Variants in FBXL7 observed in about 807,000 individuals in gnomAD.
FBXL7 encodes the protein F-box/LRR-repeat protein 7.
Under a neutral mutation model 38.3 loss-of-function variants are expected in FBXL7, and 12 were observed. The ratio of observed to expected loss-of-function variants is 0.31; its 90% CI spans 0.20 to 0.51. The LOEUF (loss-of-function observed/expected upper bound fraction) is 0.51. Ranked by LOEUF, FBXL7 falls within the 20% of genes least tolerant of loss-of-function variation. The pLI is 0.98. For synonymous variants in FBXL7, 297 were observed against 300.9 expected (o/e 0.99, Z 0.13); for missense variants, 567 against 676.4 (o/e 0.84, Z 1.79).
chr5:15,657,770 G>A (rs756155754), intron 2 of FBXL7, among the ~76,000 whole-genome samples: 7 of 151,816 alleles, frequency 4.6e-5, no homozygotes, highest in Admixed American at 3.9e-4. Context: ...CCCAGAAGGC[G>A]AAGTTTGTAG....
intron 2 of FBXL7, among the ~76,000 whole-genome samples, chr5:15,899,379 AT>A (rs1741181376): frequency 6.6e-6 from 1 of 152,176 alleles, no homozygotes; most frequent in Admixed American, 6.5e-5. Flanking sequence ...TCATTACAAT[AT>A]TTTTAACTCT....
At chr5:15,615,175 A>G (rs1178719412) in intron 1 of FBXL7, among the ~76,000 whole-genome samples, 3 of 152,218 alleles carry the variant, frequency 2.0e-5, no homozygotes, top group Middle Eastern at 3.2e-3. Context: ...GTTTGGTAAT[A>G]TTAATGTATA....
At chr5:15,767,340 G>A (rs189066756) in intron 2 of FBXL7, among the ~76,000 whole-genome samples, 9 of 152,310 alleles carry the variant, frequency 5.9e-5, no homozygotes, top group Non-Finnish European at 7.3e-5. Context: ...TTACCTTAAG[G>A]TTCATATCCA....
At chr5:15,520,894 C>T (rs1737077239) in intron 1 of FBXL7, among the ~76,000 whole-genome samples, 1 of 152,156 alleles carries the variant, frequency 6.6e-6, no homozygotes, top group East Asian at 1.9e-4. Flanking sequence ...TCATTTGTAT[C>T]AGAGAAACCT....
intron 2 of FBXL7, among the ~76,000 whole-genome samples, chr5:15,742,100 T>C (rs1336442901): frequency 1.3e-5 from 2 of 152,208 alleles, no homozygotes; most frequent in African/African-American, 4.8e-5. Flanking sequence ...TGGCTGTTTT[T>C]AGAGATGTTT....
intron 1 of FBXL7, among the ~76,000 whole-genome samples, chr5:15,530,517 C>G (rs888338998): frequency 3.9e-5 from 6 of 152,146 alleles, no homozygotes; most frequent in African/African-American, 1.4e-4. Context: ...CTAAAGCTTA[C>G]AGATTCCCAG....
At chr5:15,778,567 A>G (rs1736917292) in intron 2 of FBXL7, among the ~76,000 whole-genome samples, 1 of 152,128 alleles carries the variant, frequency 6.6e-6, no homozygotes, top group Non-Finnish European at 1.5e-5. Context: ...ACCTGTGGTC[A>G]AGGTCCTAAG....
intron 2 of FBXL7, among the ~76,000 whole-genome samples, chr5:15,698,381 T>C (rs1743405592): frequency 6.6e-6 from 1 of 152,168 alleles, no homozygotes; most frequent in Non-Finnish European, 1.5e-5. Flanking sequence ...TTGACAAAAA[T>C]TTCATTACTT....
intron 2 of FBXL7, among the ~76,000 whole-genome samples, chr5:15,737,503 A>T (rs775607735): frequency 6.6e-6 from 1 of 152,162 alleles, no homozygotes; most frequent in African/African-American, 2.4e-5. Context: ...CTCCATAAAG[A>T]GTGTCACTTT....
chr5:15,552,151 A>G (rs1231444600), intron 1 of FBXL7, among the ~76,000 whole-genome samples: 1 of 152,230 alleles, frequency 6.6e-6, no homozygotes, highest in African/African-American at 2.4e-5. Flanking sequence ...ACTATGCTAT[A>G]CATTGTCTTA....
intron 2 of FBXL7, among the ~76,000 whole-genome samples, chr5:15,862,612 G>C (rs1739524875): frequency 6.6e-6 from 1 of 152,180 alleles, no homozygotes; most frequent in Non-Finnish European, 1.5e-5. Context: ...CAGGGAGCTG[G>C]TGGTGCTCTT....
chr5:15,785,550 G>A, intron 2 of FBXL7, among the ~76,000 whole-genome samples: 1 of 152,196 alleles, frequency 6.6e-6, no homozygotes, highest in Non-Finnish European at 1.5e-5. Flanking sequence ...GTGCTTTCAA[G>A]CATGTAAGCC....
chr5:15,863,595 T>G (rs573303491), intron 2 of FBXL7, among the ~76,000 whole-genome samples: 1 of 152,270 alleles, frequency 6.6e-6, no homozygotes, highest in African/African-American at 2.4e-5. Context: ...TTGGATATGG[T>G]TCATTTGTCA....
At chr5:15,557,175 T>C (rs1412296567) in intron 1 of FBXL7, among the ~76,000 whole-genome samples, 1 of 152,178 alleles carries the variant, frequency 6.6e-6, no homozygotes, top group Non-Finnish European at 1.5e-5. Context: ...CTTGACCTCG[T>C]GATCCCCCAG....
chr5:15,685,738 C>G (rs1030996169), intron 2 of FBXL7, among the ~76,000 whole-genome samples: 4 of 152,176 alleles, frequency 2.6e-5, no homozygotes, highest in African/African-American at 7.2e-5. Flanking sequence ...AATGGGGTAG[C>G]AATGCCTTCC....
intron 1 of FBXL7, among the ~76,000 whole-genome samples, chr5:15,535,910 A>C (rs1293519630): frequency 3.3e-5 from 5 of 152,266 alleles, no homozygotes; most frequent in African/African-American, 1.2e-4. Flanking sequence ...AGATATCTTC[A>C]AGGCAGCCCC....
At chr5:15,685,905 T>A (rs1743001715) in intron 2 of FBXL7, among the ~76,000 whole-genome samples, 1 of 152,146 alleles carries the variant, frequency 6.6e-6, no homozygotes, top group Non-Finnish European at 1.5e-5. Context: ...TCTTCTCAAA[T>A]CTGCAGTCAC....
At chr5:15,570,948 A>C (rs1158405520) in intron 1 of FBXL7, among the ~76,000 whole-genome samples, 1 of 152,008 alleles carries the variant, frequency 6.6e-6, no homozygotes, top group African/African-American at 2.4e-5. Context: ...CAAAATTAGC[A>C]GGGTGTGGTG....
chr5:15,681,732 A>G (rs909894022), intron 2 of FBXL7, among the ~76,000 whole-genome samples: 1 of 152,188 alleles, frequency 6.6e-6, no homozygotes, highest in Admixed American at 6.5e-5. Flanking sequence ...CTTTGATTAG[A>G]TTTGAACCAA....
Sources: allele counts gnomAD v4.1 joint callset (sites outside exome capture counted in the v4.1 genomes callset), GRCh38; gene constraint gnomAD v4.1.1; transcripts MANE v1.5; gene names NCBI Gene and HGNC (gene_info 2026-07-23, HGNC 2026-07-21).